The following WDFY3 variants were observed in gnomAD, a reference collection of about 807,000 sequenced individuals.
The protein encoded by WDFY3 is WD repeat and FYVE domain-containing protein 3.
A neutral mutation model predicts 409.6 loss-of-function variants in WDFY3; 66 were observed. The observed-to-expected ratio is 0.16, with a 90% confidence interval of 0.13 to 0.20. The LOEUF is 0.20. Ranked by LOEUF, WDFY3 falls within the 10% of genes least tolerant of loss-of-function variation. The pLI is 1.00. For missense variants in WDFY3, 3,031 were observed against 4,298.1 expected, an observed-to-expected ratio of 0.71 and a Z score of 8.24; for synonymous variants, 1,521 against 1,537.1, an observed-to-expected ratio of 0.99 and a Z score of 0.25.
At chr4:84,885,458 T>G (rs545188904) in intron 3 of WDFY3, among the ~76,000 whole-genome samples, 2 of 151,570 alleles carry the variant, frequency 1.3e-5, no homozygotes, top group Non-Finnish European at 2.9e-5. Context: ...ACTTCAAAAT[T>G]AAATATTTTG....
At chr4:84,852,613 T>C (rs997305146) in intron 4 of WDFY3, among the ~76,000 whole-genome samples, 7 of 152,236 alleles carry the variant, frequency 4.6e-5, no homozygotes, top group Non-Finnish European at 8.8e-5. Context: ...ATGAATAATT[T>C]GTAATAATCT....
intron 41 of WDFY3, among the ~76,000 whole-genome samples, chr4:84,736,710 C>A (rs1407109452): frequency 1.3e-5 from 2 of 151,952 alleles, no homozygotes. Flanking sequence ...TTATATAATG[C>A]CACCAGAGAA....
At chr4:84,750,170 C>T (rs2149287555) in intron 36 of WDFY3, among the ~76,000 whole-genome samples, 1 of 152,116 alleles carries the variant, frequency 6.6e-6, no homozygotes, top group South Asian at 2.1e-4. Flanking sequence ...CAAATTTTTA[C>T]CCTATACAGT....
Position 84,740,277 on chromosome 4 carries a change from A to C in WDFY3, c.6374T>G (p.Val2125Gly). 1.9e-6 allele frequency: 3 copies of C among 1,614,068 alleles called. No homozygotes were observed. The East Asian group carries it at 6.7e-5, about 36-fold the overall frequency. The change falls in exon 39 of 68, where the codon GTA becomes GGA. Residue 2125 changes from valine (V) to glycine (G), a missense_variant. Val to Gly is a moderately radical substitution (Grantham distance 109). This residue lies in a region of WDFY3 where 314 missense variants were observed against 397.4 expected (regional missense o/e 0.79). Transcript: ENST00000295888. ...AGGTCCCAGGATCAAGTTTCTGTTTACAGTGAGGACCCTGAGTGAATCAAG... is the reference window on the plus strand; with the variant it reads ...AGGTCCCAGGATCAAGTTTCTGTTTCCAGTGAGGACCCTGAGTGAATCAAG... Reference protein sequence around the residue: ...ALLDSLRVLTVNRNLILGPGN... With the variant: ...ALLDSLRVLTGNRNLILGPGN...
At chr4:84,948,640 G>C (rs1377088910) in intron 1 of WDFY3, among the ~76,000 whole-genome samples, 2 of 152,124 alleles carry the variant, frequency 1.3e-5, no homozygotes, top group Admixed American at 1.3e-4. Flanking sequence ...TAGATAGTTA[G>C]GATTTCTAGC....
At chr4:84,804,922 A>T (rs1332118834) in intron 15 of WDFY3, among the ~76,000 whole-genome samples, 1 of 152,158 alleles carries the variant, frequency 6.6e-6, no homozygotes, top group African/African-American at 2.4e-5. Context: ...ACATCTTTGG[A>T]CACTGAACTC....
intron 16 of WDFY3, 106 bp downstream of exon 16, chr4:84,803,183 TA>T (rs1750925478): frequency 2.5e-6 from 3 of 1,214,482 alleles, no homozygotes; most frequent in Non-Finnish European, 3.3e-6. Flanking sequence ...GCTACTTTAG[TA>T]TGTAATATTA....
intron 36 of WDFY3, among the ~76,000 whole-genome samples, chr4:84,747,580 C>A (rs915524424): frequency 6.6e-6 from 1 of 152,140 alleles, no homozygotes; most frequent in African/African-American, 2.4e-5. Flanking sequence ...GTATCCCCTA[C>A]CAAATCTCAT....
intron 2 of WDFY3, among the ~76,000 whole-genome samples, chr4:84,912,819 T>C (rs1767969703): frequency 6.6e-6 from 1 of 152,016 alleles, no homozygotes; most frequent in Non-Finnish European, 1.5e-5. Flanking sequence ...GATTTAAGGG[T>C]ATAAAGGGAT....
chr4:84,731,171 G>A (rs1736539227), intron 44 of WDFY3, among the ~76,000 whole-genome samples: 1 of 152,178 alleles, frequency 6.6e-6, no homozygotes, highest in Admixed American at 6.5e-5. Flanking sequence ...GGCCATATGT[G>A]ACCTGTGGGC....
At chr4:84,752,321 C>T (rs1002925577) in intron 35 of WDFY3, among the ~76,000 whole-genome samples, 5 of 152,074 alleles carry the variant, frequency 3.3e-5, no homozygotes, top group Non-Finnish European at 7.4e-5. Flanking sequence ...CGAGACTAGC[C>T]TGGCCAACAT....
In WDFY3 at chr4:84,860,559, C is replaced by A; in HGVS notation, c.33G>T (p.Pro11=). ...CTTGTGGGCTGCACTCCTCCTGCCT[C>A]GGCCGCCCCATGATCCTCTTCACCA... The part of the protein sequence containing the change: MNMVKRIMGR[P]RQEECSPQDN... The change falls in exon 4 of 68, where the codon CCG becomes CCT. Residue 11 remains proline (P), a synonymous_variant. Transcript: ENST00000295888. The A allele has an allele frequency of 6.2e-7, 1 of 1,612,168 alleles. No homozygotes were observed. The highest frequency in any genetic ancestry group is 8.5e-7 in the Non-Finnish European group (1 of 1,178,632).
chr4:84,921,874 C>T (rs953231619), intron 2 of WDFY3, among the ~76,000 whole-genome samples: 1 of 151,798 alleles, frequency 6.6e-6, no homozygotes, highest in African/African-American at 2.4e-5. Context: ...CCAGGTTGGT[C>T]TTCAACTCCT....
intron 25 of WDFY3, 122 bp downstream of exon 25, chr4:84,782,841 C>T (rs1227161361): frequency 9.4e-6 from 7 of 743,334 alleles, no homozygotes; most frequent in East Asian, 5.1e-5. Flanking sequence ...GAATACTGCA[C>T]GTACACTATA....
intron 47 of WDFY3, among the ~76,000 whole-genome samples, chr4:84,720,830 A>C (rs1239119239): frequency 1.5e-5 from 2 of 133,520 alleles, no homozygotes; most frequent in East Asian, 4.9e-4. Context: ...CAGAGTGGAA[A>C]AAAAAACACA....
chr4:84,927,055 G>T (rs1770092950), intron 2 of WDFY3, among the ~76,000 whole-genome samples: 1 of 152,070 alleles, frequency 6.6e-6, no homozygotes, highest in African/African-American at 2.4e-5. Flanking sequence ...AATCTAGTGA[G>T]AGTTAAAAAT....
rs1028991555 is a variant in WDFY3 at position 84,753,811 on chromosome 4, G to C, written c.5625C>G (p.Phe1875Leu). ...CTGGCACGTTGTGATACAAATATCT[G>C]AAGAACTGCATCAGGGTCACAGGAT... ...REYPVTLMQFFRYLYHNVPDL... is the reference protein window; with the variant it reads ...REYPVTLMQFLRYLYHNVPDL... Residue 1875 changes from phenylalanine (F) to leucine (L), a missense_variant, in exon 35 of 68, where the codon TTC (phenylalanine) becomes TTG (leucine). This residue lies in a region of WDFY3 where 342 missense variants were observed against 463.7 expected (regional missense o/e 0.74). Transcript: ENST00000295888. 3 of 1,611,690 alleles carry C rather than the reference G, an allele frequency of 1.9e-6. No individual in the cohort carries two copies. The highest frequency in any genetic ancestry group is 2.5e-6 in the Non-Finnish European group (3 of 1,179,044).
chr4:84,726,060 T>G (rs1187377829), intron 45 of WDFY3, among the ~76,000 whole-genome samples: 1 of 152,126 alleles, frequency 6.6e-6, no homozygotes, highest in African/African-American at 2.4e-5. Context: ...GCACTATTTT[T>G]GAAACTGAAA....
intron 1 of WDFY3, among the ~76,000 whole-genome samples, chr4:84,956,955 T>C (rs191597109): frequency 6.7e-6 from 1 of 148,228 alleles, no homozygotes; most frequent in Non-Finnish European, 1.5e-5. Flanking sequence ...AATACATGAA[T>C]AGAAGCAGGT....
Sources: gnomAD v4.1 joint callset for allele counts (sites outside exome capture counted in the v4.1 genomes callset) on GRCh38, gnomAD v4.1.1 for gene constraint, gnomAD v4.1.1 regional missense constraint, MANE v1.5 for transcripts, NCBI Gene and HGNC (gene_info 2026-07-23, HGNC 2026-07-21) for gene names.